The following NDUFAF2 variants were observed in gnomAD, a reference collection of about 807,000 sequenced individuals.
NDUFAF2 encodes NADH dehydrogenase [ubiquinone] 1 alpha subcomplex assembly factor 2.
NDUFAF2 carries 13 observed loss-of-function variants against 22.8 expected under a neutral mutation model. That is an observed-to-expected ratio of 0.57 (90% CI 0.37 to 0.91). The LOEUF (loss-of-function observed/expected upper bound fraction) is 0.91. NDUFAF2 is among the 40% of genes least tolerant of loss of function. The pLI is 0.01. For missense variants in NDUFAF2, 162 were observed against 195.2 expected (o/e 0.83, Z 1.01); for synonymous variants, 53 against 64.2 (o/e 0.83, Z 0.84).
chr5:61,027,298 CTT>C (rs150340157), intron 1 of NDUFAF2, among the ~76,000 whole-genome samples: 60 of 135,996 alleles, frequency 4.4e-4, no homozygotes, highest in Non-Finnish European at 6.3e-4. Context: ...TACACGTGGA[CTT>C]TTTTTTTTTT....
intron 1 of NDUFAF2, among the ~76,000 whole-genome samples, chr5:60,996,658 C>A (rs1751232585): frequency 6.6e-6 from 1 of 152,162 alleles, no homozygotes; most frequent in South Asian, 2.1e-4. Flanking sequence ...TACTTGGAGA[C>A]AAGAGTGCTA....
chr5:61,006,277 C>G (rs1751365412), intron 1 of NDUFAF2, among the ~76,000 whole-genome samples: 1 of 152,082 alleles, frequency 6.6e-6, no homozygotes, highest in African/African-American at 2.4e-5. Context: ...TTTCCGAGGG[C>G]TCTATTCTGT....
intron 2 of NDUFAF2, among the ~76,000 whole-genome samples, chr5:61,089,463 T>C (rs1752541447): frequency 6.6e-6 from 1 of 152,148 alleles, no homozygotes; most frequent in Non-Finnish European, 1.5e-5. Flanking sequence ...CTTCAGCTGG[T>C]CATTTGTTGT....
chr5:61,015,510 G>C (rs1294058673), intron 1 of NDUFAF2, among the ~76,000 whole-genome samples: 1 of 152,088 alleles, frequency 6.6e-6, no homozygotes, highest in Non-Finnish European at 1.5e-5. Context: ...TTGAACTCCT[G>C]ACCTCAAGTG....
chr5:60,989,570 A>G (rs1751129860), intron 1 of NDUFAF2, among the ~76,000 whole-genome samples: 1 of 152,216 alleles, frequency 6.6e-6, no homozygotes. Context: ...ATGCAGTCAT[A>G]AAAAACAAGA....
At chr5:61,052,924 C>T (rs1475834524) in intron 1 of NDUFAF2, among the ~76,000 whole-genome samples, 4 of 152,192 alleles carry the variant, frequency 2.6e-5, no homozygotes, top group Non-Finnish European at 5.9e-5. Flanking sequence ...ATCACTTTTT[C>T]CTTCTTCGTG....
chr5:61,136,005 T>TCATATATATATATATATATATATA (rs1411594766), intron 3 of NDUFAF2, among the ~76,000 whole-genome samples: 1 of 96,028 alleles, frequency 1.0e-5, no homozygotes, highest in African/African-American at 5.5e-5. Context: ...AAGCCTGTCT[T>TCATATATATATATATATATATATA]TATATATATA....
chr5:61,041,698 T>C (rs1454834298), intron 1 of NDUFAF2, among the ~76,000 whole-genome samples: 1 of 152,216 alleles, frequency 6.6e-6, no homozygotes, highest in Non-Finnish European at 1.5e-5. Flanking sequence ...TAAATCTTTA[T>C]GTGTCCATGG....
chr5:61,123,274 A>T (rs754507210), intron 3 of NDUFAF2, among the ~76,000 whole-genome samples: 12 of 152,180 alleles, frequency 7.9e-5, no homozygotes, highest in Non-Finnish European at 1.3e-4. Flanking sequence ...AAGTACAGTC[A>T]TGTGTCACTT....
At chr5:61,072,979 C>T in intron 1 of NDUFAF2, 146 bp from the exon 2 acceptor site, 1 of 601,366 alleles carries the variant, frequency 1.7e-6, no homozygotes, top group East Asian at 2.9e-5. Flanking sequence ...TGTAATATAC[C>T]TAATTCAAAA....
chr5:61,134,460 C>T (rs369586664), intron 3 of NDUFAF2, among the ~76,000 whole-genome samples: 9 of 152,108 alleles, frequency 5.9e-5, no homozygotes, highest in African/African-American at 1.4e-4. Flanking sequence ...CCAAGGCGGA[C>T]GGGTCACGAG....
chr5:60,957,513 AAC>A (rs1750632823), intron 1 of NDUFAF2, among the ~76,000 whole-genome samples: 1 of 142,798 alleles, frequency 7.0e-6, no homozygotes, highest in African/African-American at 2.6e-5. Flanking sequence ...TTTTTTTTTT[AAC>A]AGTTTATGTC....
chr5:61,147,852 C>T (rs1319242675), intron 3 of NDUFAF2, among the ~76,000 whole-genome samples: 1 of 151,976 alleles, frequency 6.6e-6, no homozygotes, highest in African/African-American at 2.4e-5. Flanking sequence ...AAGGAGTGAC[C>T]CTTCCGGGAT....
At chr5:61,134,925 A>G (rs1740895614) in intron 3 of NDUFAF2, among the ~76,000 whole-genome samples, 1 of 152,046 alleles carries the variant, frequency 6.6e-6, no homozygotes, top group African/African-American at 2.4e-5. Flanking sequence ...AGTATATTCC[A>G]AGGACAAAAA....
intron 3 of NDUFAF2, among the ~76,000 whole-genome samples, chr5:61,143,960 TTGTGTGTGTG>T (rs58281805): frequency 8.8e-4 from 86 of 98,216 alleles, no homozygotes; most frequent in African/African-American, 1.4e-3. Flanking sequence ...TGGCATATTT[TTGTGTGTGTG>T]TGTGTGTGTG....
intron 1 of NDUFAF2, among the ~76,000 whole-genome samples, chr5:61,042,241 T>G (rs557946967): frequency 1.3e-5 from 2 of 152,254 alleles, no homozygotes; most frequent in South Asian, 4.1e-4. Flanking sequence ...TAAACTCACA[T>G]GATCATTATT....
chr5:61,050,905 TAG>T (rs1304769258), intron 1 of NDUFAF2, among the ~76,000 whole-genome samples: 2 of 152,208 alleles, frequency 1.3e-5, no homozygotes, highest in Non-Finnish European at 2.9e-5. Flanking sequence ...AAAGGATGTT[TAG>T]TTCACTAAGG....
chr5:61,147,825 A>G (rs1467669101), intron 3 of NDUFAF2, among the ~76,000 whole-genome samples: 2 of 152,130 alleles, frequency 1.3e-5, no homozygotes, highest in Admixed American at 6.5e-5. Context: ...CTCTCGTGCC[A>G]GTTTAGTCCT....
intron 2 of NDUFAF2, among the ~76,000 whole-genome samples, chr5:61,093,713 A>C (rs1752600457): frequency 6.6e-6 from 1 of 152,302 alleles, no homozygotes; most frequent in Admixed American, 6.5e-5. Context: ...ATTGGCCTGA[A>C]GTTTTCCTTT....
Sources: gnomAD v4.1 joint callset for allele counts (sites outside exome capture counted in the v4.1 genomes callset) on GRCh38, gnomAD v4.1.1 for gene constraint, MANE v1.5 for transcripts, NCBI Gene and HGNC (gene_info 2026-07-23, HGNC 2026-07-21) for gene names.